Variants in MSRA observed in about 807,000 individuals in gnomAD.
The protein encoded by MSRA is mitochondrial peptide methionine sulfoxide reductase.
A neutral mutation model predicts 31.3 loss-of-function variants in MSRA; 54 were observed. The observed-to-expected ratio is 1.73, with a 90% CI of 1.39 to 2.17. The LOEUF is 2.17. Ranked by LOEUF, MSRA falls within the 30% of genes most tolerant of loss-of-function variation. The pLI is 0.00. For missense variants in MSRA, 507 were observed against 300.9 expected (o/e 1.69, Z -5.07); for synonymous variants, 169 against 116.5 (o/e 1.45, Z -2.90).
intron 5 of MSRA, among the ~76,000 whole-genome samples, chr8:10,338,502 T>TA (rs1803204499): frequency 6.6e-6 from 1 of 152,096 alleles, no homozygotes; most frequent in Non-Finnish European, 1.5e-5. Flanking sequence ...CGTCTCACCA[T>TA]AAAAAAACAA....
At chr8:10,399,218 C>G (rs1170904929) in intron 5 of MSRA, among the ~76,000 whole-genome samples, 1 of 152,182 alleles carries the variant, frequency 6.6e-6, no homozygotes, top group Non-Finnish European at 1.5e-5. Flanking sequence ...CAATCTGTAT[C>G]CTCAGATCTG....
intron 1 of MSRA, among the ~76,000 whole-genome samples, chr8:10,097,234 C>G (rs1349198982): frequency 6.6e-6 from 1 of 152,114 alleles, no homozygotes; most frequent in Non-Finnish European, 1.5e-5. Context: ...TAAGTATGTT[C>G]TTCAACTTTT....
chr8:10,428,605 G>A lies in MSRA; in HGVS notation c.*293G>A, dbSNP rs958840408. On this transcript the variant is annotated 3_prime_UTR_variant, in exon 6 of 6. Coordinates refer to ENST00000317173, the MANE Select transcript of MSRA (RefSeq NM_012331.5). Reference sequence around the variant, plus strand: ...GTTCACCCTTCTTGGTAGAAGCTAAGGTGTGAGCTGGGAGGTTGCTGGACA... The same window carrying A: ...GTTCACCCTTCTTGGTAGAAGCTAAAGTGTGAGCTGGGAGGTTGCTGGACA... 1 of 362,128 alleles carries A rather than the reference G, an allele frequency of 2.8e-6. No homozygotes were observed. The highest frequency in any genetic ancestry group is 5.0e-6 in the Non-Finnish European group (1 of 198,868). The allele number at this position is 362,128 out of a possible 1,614,324, so 22.4% of individuals were successfully genotyped here.
chr8:10,331,341 C>G (rs996863665), intron 5 of MSRA, among the ~76,000 whole-genome samples: 2 of 152,184 alleles, frequency 1.3e-5, no homozygotes, highest in Non-Finnish European at 2.9e-5. Context: ...TGACCGTGAC[C>G]TTGGAGAGGT....
chr8:10,369,440 T>G (rs1805357765), intron 5 of MSRA, among the ~76,000 whole-genome samples: 1 of 152,164 alleles, frequency 6.6e-6, no homozygotes, highest in South Asian at 2.1e-4. Flanking sequence ...GAAATATAAT[T>G]AGAGCAAACA....
chr8:10,288,267 A>G (rs1316349559), intron 3 of MSRA, among the ~76,000 whole-genome samples: 1 of 152,094 alleles, frequency 6.6e-6, no homozygotes, highest in African/African-American at 2.4e-5. Flanking sequence ...AATACCACAG[A>G]TATACTATAT....
intron 1 of MSRA, among the ~76,000 whole-genome samples, chr8:10,175,292 T>G (rs964361989): frequency 1.3e-5 from 2 of 152,342 alleles, no homozygotes; most frequent in East Asian, 3.9e-4. Flanking sequence ...GCTACACAAT[T>G]TAGCATGTAA....
chr8:10,285,157 T>C (rs919437819), intron 3 of MSRA, among the ~76,000 whole-genome samples: 1 of 152,108 alleles, frequency 6.6e-6, no homozygotes, highest in Non-Finnish European at 1.5e-5. Context: ...CTCCTCGAGC[T>C]CTCTTCATCT....
rs868254171 is a variant in MSRA, at chr8:10,077,044, T to C, written c.142+22386T>C. On this transcript the variant is annotated intron_variant, in intron 1 of 5. Coordinates refer to ENST00000317173, the MANE Select transcript of MSRA (RefSeq NM_012331.5). ...ACATCCTGCACATGTACCTCAGAACTTAAAAAAAAAAAAAAAAGAGCAGAG... is the reference window on the plus strand; with the variant it reads ...ACATCCTGCACATGTACCTCAGAACCTAAAAAAAAAAAAAAAAGAGCAGAG... Among the ~76,000 whole-genome samples, 4 of 38,284 alleles carry C rather than the reference T, an allele frequency of 1.0e-4. No individual in the cohort carries two copies. The South Asian group carries it at 2.6e-3, about 25-fold the overall frequency. 25.1% of individuals were successfully genotyped at this position (38,284 alleles called of 152,430 possible).
chr8:10,421,260 C>T (rs937309374), intron 5 of MSRA, among the ~76,000 whole-genome samples: 4 of 152,148 alleles, frequency 2.6e-5, no homozygotes, highest in Admixed American at 2.6e-4. Flanking sequence ...CATGCCTGTC[C>T]TCTCCCCCAG....
intron 5 of MSRA, among the ~76,000 whole-genome samples, chr8:10,412,274 T>A (rs1808204580): frequency 6.6e-6 from 1 of 152,248 alleles, no homozygotes; most frequent in South Asian, 2.1e-4. Context: ...AATCCAAATT[T>A]GAACCACGTT....
At chr8:10,248,222 T>C (rs952658596) in intron 3 of MSRA, among the ~76,000 whole-genome samples, 1 of 152,180 alleles carries the variant, frequency 6.6e-6, no homozygotes, top group African/African-American at 2.4e-5. Flanking sequence ...TCACAATCCG[T>C]GAATATTTTG....
In MSRA at chr8:10,207,824, T is replaced by G. The variant is rs1209788010; in HGVS notation, c.143-9T>G. The G allele has an allele frequency of 1.2e-5, 19 of 1,605,358 alleles. No homozygotes were observed. Among genetic ancestry groups the G allele is most frequent in the Non-Finnish European group, 1.5e-5 (18 of 1,177,266 alleles). ...ACTTAAACTTGCATTTCTTTTTTTTTTTTTCTAGCCAAACATCATGTCAAT... is the reference window on the plus strand; with the variant it reads ...ACTTAAACTTGCATTTCTTTTTTTTGTTTTCTAGCCAAACATCATGTCAAT... On this transcript the variant is annotated splice_polypyrimidine_tract_variant and intron_variant, in intron 1 of 5. Coordinates refer to ENST00000317173, the MANE Select transcript of MSRA (RefSeq NM_012331.5).
At chr8:10,419,359 G>A (rs948659220) in intron 5 of MSRA, among the ~76,000 whole-genome samples, 4 of 152,174 alleles carry the variant, frequency 2.6e-5, no homozygotes, top group African/African-American at 9.6e-5. Context: ...ATTTGAGTAA[G>A]GCATGTGAAT....
chr8:10,416,439 C>T (rs1168715139), intron 5 of MSRA, among the ~76,000 whole-genome samples: 1 of 152,230 alleles, frequency 6.6e-6, no homozygotes, highest in Non-Finnish European at 1.5e-5. Context: ...CGTGGTGCTC[C>T]CAGCGTGGGT....
At chr8:10,311,809 C>T (rs989470349) in intron 4 of MSRA, among the ~76,000 whole-genome samples, 1 of 152,030 alleles carries the variant, frequency 6.6e-6, no homozygotes, top group Non-Finnish European at 1.5e-5. Context: ...CCCAGCTACT[C>T]AGGAGTTTGA....
At chr8:10,152,718 A>C (rs1228946815) in intron 1 of MSRA, among the ~76,000 whole-genome samples, 1 of 152,236 alleles carries the variant, frequency 6.6e-6, no homozygotes, top group African/African-American at 2.4e-5. Context: ...AGTAACGCAC[A>C]CTTCATGTTC....
chr8:10,117,571 A>G (rs1800777512), intron 1 of MSRA, among the ~76,000 whole-genome samples: 1 of 152,230 alleles, frequency 6.6e-6, no homozygotes, highest in Non-Finnish European at 1.5e-5. Context: ...TGTTGGGAGC[A>G]TGTCTTTTAC....
chr8:10,325,463 G>GT (rs1040360767), intron 5 of MSRA, among the ~76,000 whole-genome samples: 7 of 151,898 alleles, frequency 4.6e-5, no homozygotes, highest in Non-Finnish European at 8.8e-5. Flanking sequence ...GATCTTAGGT[G>GT]TTTATCTGTG....
Sources: gnomAD v4.1 joint callset for allele counts (sites outside exome capture counted in the v4.1 genomes callset) on GRCh38, gnomAD v4.1.1 for gene constraint, MANE v1.5 for transcripts, NCBI Gene and HGNC (gene_info 2026-07-23, HGNC 2026-07-21) for gene names.